Variants in UBE4B observed in about 807,000 individuals in gnomAD.
The protein encoded by UBE4B is ubiquitin conjugation factor E4 B.
UBE4B carries 27 observed loss-of-function variants against 148.1 expected under a neutral mutation model. The observed-to-expected ratio is 0.18, with a 90% CI of 0.13 to 0.25. UBE4B has a LOEUF of 0.25. Ranked by LOEUF, UBE4B falls within the 10% of genes least tolerant of loss-of-function variation. UBE4B has a pLI of 1.00. For missense variants in UBE4B, 1,170 were observed against 1,662.4 expected (o/e 0.70, Z 5.15); for synonymous variants, 596 against 619.3 (o/e 0.96, Z 0.56).
chr1:10,107,102 A>C, intron 7 of UBE4B: 1 of 875,358 alleles, frequency 1.1e-6, no homozygotes, highest in Non-Finnish European at 1.6e-6. Context: ...ATGTTTCTGC[A>C]TGTCAGTGGC....
rs753264704 is a variant in UBE4B at position 10,103,113 on chromosome 1, T to A, written c.580+21T>A. 44 of 1,586,496 alleles carry A rather than the reference T, an allele frequency of 2.8e-5. No individual in the cohort carries two copies. The South Asian group carries it at 4.3e-4, about 16-fold the overall frequency. ...AGAAGGTAGGAATCTAGCTCAGCAGTCTTACTGCAGAGTACTCGACAAGAA... is the reference window on the plus strand; with the variant it reads ...AGAAGGTAGGAATCTAGCTCAGCAGACTTACTGCAGAGTACTCGACAAGAA... On this transcript the variant is annotated intron_variant, in intron 5 of 27. Coordinates refer to ENST00000343090, the MANE Select transcript of UBE4B (RefSeq NM_001105562.3).
intron 2 of UBE4B, among the ~76,000 whole-genome samples, chr1:10,081,328 G>A (rs1644677270): frequency 6.6e-6 from 1 of 152,040 alleles, no homozygotes; most frequent in South Asian, 2.1e-4. Context: ...CCAAAGTGCT[G>A]GGATTACAGG....
At chr1:10,166,661 C>T (rs976086933) in intron 23 of UBE4B, among the ~76,000 whole-genome samples, 1 of 152,068 alleles carries the variant, frequency 6.6e-6, no homozygotes, top group Non-Finnish European at 1.5e-5. Context: ...CATTGGCTCA[C>T]GCCTGTAATC....
intron 3 of UBE4B, among the ~76,000 whole-genome samples, chr1:10,095,994 C>T (rs1319015070): frequency 6.6e-6 from 1 of 152,166 alleles, no homozygotes; most frequent in African/African-American, 2.4e-5. Flanking sequence ...TGGTCTCAAA[C>T]TCCTGGCCTC....
chr1:10,103,632 GTTT>G (rs1186811301), intron 5 of UBE4B, among the ~76,000 whole-genome samples: 3 of 106,504 alleles, frequency 2.8e-5, no homozygotes, highest in African/African-American at 6.8e-5. Flanking sequence ...TTTTGTTTTT[GTTT>G]TTTTTTTTTT....
chr1:10,035,883 A>T (rs1363381476), intron 1 of UBE4B, among the ~76,000 whole-genome samples: 1 of 150,508 alleles, frequency 6.6e-6, no homozygotes, highest in Non-Finnish European at 1.5e-5. Flanking sequence ...AGCTGGGACT[A>T]CAGGCGCCCG....
chr1:10,163,098 G>A (rs908791814), intron 23 of UBE4B, among the ~76,000 whole-genome samples: 9 of 149,338 alleles, frequency 6.0e-5, no homozygotes, highest in African/African-American at 1.7e-4. Flanking sequence ...TTGATCTGTC[G>A]CCTTGGCTGG....
At chr1:10,167,447 TAATA>T (rs1223711202) in intron 23 of UBE4B, among the ~76,000 whole-genome samples, 1 of 134,444 alleles carries the variant, frequency 7.4e-6, no homozygotes, top group Non-Finnish European at 1.5e-5. Context: ...CAAAAAATAA[TAATA>T]ATAATAATAA....
At chr1:10,123,565 CTA>C (rs1467311194) in intron 10 of UBE4B, among the ~76,000 whole-genome samples, 7 of 151,804 alleles carry the variant, frequency 4.6e-5, no homozygotes, top group Non-Finnish European at 8.8e-5. Flanking sequence ...GTAGTTCTCT[CTA>C]TATAAAATCA....
chr1:10,164,756 G>A (rs1289517227), intron 23 of UBE4B, among the ~76,000 whole-genome samples: 1 of 152,118 alleles, frequency 6.6e-6, no homozygotes, highest in Non-Finnish European at 1.5e-5. Flanking sequence ...CCTGACGTCT[G>A]AGCTTGGTGA....
At chr1:10,037,472 A>G (rs1316700487) in intron 1 of UBE4B, among the ~76,000 whole-genome samples, 3 of 152,336 alleles carry the variant, frequency 2.0e-5, no homozygotes, top group East Asian at 3.9e-4. Context: ...AGGAACCTAC[A>G]TTCCAAGGCA....
chr1:10,143,071 G>A (rs1432318344), intron 17 of UBE4B, among the ~76,000 whole-genome samples: 1 of 152,146 alleles, frequency 6.6e-6, no homozygotes, highest in East Asian at 1.9e-4. Context: ...TCGTGCCACT[G>A]CACTCCAGGG....
intron 11 of UBE4B, among the ~76,000 whole-genome samples, chr1:10,127,576 G>A (rs904677841): frequency 4.6e-5 from 7 of 152,172 alleles, no homozygotes; most frequent in Admixed American, 2.6e-4. Context: ...TTGCAGAAGT[G>A]TAAAGGAAAA....
intron 2 of UBE4B, among the ~76,000 whole-genome samples, chr1:10,093,093 A>G (rs750778532): frequency 6.6e-6 from 1 of 152,206 alleles, no homozygotes. Flanking sequence ...ATACTATACT[A>G]TACTACAGAT....
intron 23 of UBE4B, among the ~76,000 whole-genome samples, chr1:10,163,843 C>G (rs1420804462): frequency 6.6e-6 from 1 of 150,860 alleles, no homozygotes; most frequent in Non-Finnish European, 1.5e-5. Flanking sequence ...GCAATCTTGG[C>G]TCAATTTATG....
chr1:10,122,084 C>A lies in UBE4B; in HGVS notation c.1554+8C>A, dbSNP rs772384198. 3.8e-6 allele frequency: 6 copies of A among 1,592,012 alleles called. No individual in the cohort carries two copies. The South Asian group carries it at 4.5e-5, about 12-fold the overall frequency. ...GAAGAAGTGTTCAAGCAGGTACGGT[C>A]GTATGAGTTTGCTCTTGCAAATTTT... On this transcript the variant is annotated splice_region_variant and intron_variant, in intron 10 of 27. Coordinates refer to ENST00000343090, the MANE Select transcript of UBE4B (RefSeq NM_001105562.3).
chr1:10,127,027 G>T (rs879115088), intron 11 of UBE4B, 150 bp downstream of exon 11: 5 of 712,836 alleles, frequency 7.0e-6, no homozygotes, highest in Non-Finnish European at 1.2e-5. Flanking sequence ...AGAGTGTTTG[G>T]TGTGCAGTGA....
At chr1:10,091,422 A>G (rs1644845130) in intron 2 of UBE4B, among the ~76,000 whole-genome samples, 1 of 151,912 alleles carries the variant, frequency 6.6e-6, no homozygotes, top group Admixed American at 6.6e-5. Flanking sequence ...CAAAGACACC[A>G]TCAGGTTTTT....
intron 9 of UBE4B, among the ~76,000 whole-genome samples, chr1:10,121,036 A>C (rs937311405): frequency 6.6e-6 from 1 of 152,114 alleles, no homozygotes; most frequent in Non-Finnish European, 1.5e-5. Context: ...GCCACTACTA[A>C]TATTTTTTCC....
Sources: gnomAD v4.1 joint callset for allele counts (sites outside exome capture counted in the v4.1 genomes callset) on GRCh38, gnomAD v4.1.1 for gene constraint, MANE v1.5 for transcripts, NCBI Gene and HGNC (gene_info 2026-07-23, HGNC 2026-07-21) for gene names.